DCC: variants seen among roughly 807,000 people sequenced by gnomAD.
DCC encodes the protein DCC netrin 1 receptor.
In DCC, 58 loss-of-function variants were observed where a neutral mutation model predicts 172.5. The ratio of observed to expected loss-of-function variants is 0.34; its 90% CI spans 0.27 to 0.42. The LOEUF (loss-of-function observed/expected upper bound fraction) is 0.42. Among genes scored for constraint, DCC ranks in the 10% least tolerant of loss-of-function variants. The pLI is 1.00. For synonymous variants in DCC, 709 were observed against 644.5 expected (o/e 1.10, Z -1.52); for missense variants, 1,740 against 1,791.0 (o/e 0.97, Z 0.51).
intron 1 of DCC, among the ~76,000 whole-genome samples, chr18:52,488,946 G>A (rs555778903): frequency 5.3e-4 from 80 of 152,010 alleles, no homozygotes; most frequent in East Asian, 2.1e-3. Flanking sequence ...ACCTTTCCCC[G>A]CCTCTTCCCC....
At chr18:53,369,098 T>G (rs184966096) in intron 15 of DCC, among the ~76,000 whole-genome samples, 2 of 152,136 alleles carry the variant, frequency 1.3e-5, no homozygotes, top group East Asian at 3.9e-4. Flanking sequence ...ATATTTAAAG[T>G]CTTTAATTTC....
At chr18:52,388,404 C>A (rs1205935552) in intron 1 of DCC, among the ~76,000 whole-genome samples, 1 of 152,052 alleles carries the variant, frequency 6.6e-6, no homozygotes, top group Non-Finnish European at 1.5e-5. Flanking sequence ...CAGGATCAGA[C>A]AAGAGAATTA....
At chr18:52,837,860 C>T (rs961456671) in intron 2 of DCC, among the ~76,000 whole-genome samples, 13 of 152,198 alleles carry the variant, frequency 8.5e-5, no homozygotes, top group South Asian at 2.1e-4. Context: ...AATTGACTCA[C>T]AGTTCTGCAG....
At chr18:52,921,780 T>C (rs904349997) in intron 3 of DCC, among the ~76,000 whole-genome samples, 1 of 151,424 alleles carries the variant, frequency 6.6e-6, no homozygotes, top group Admixed American at 6.6e-5. Context: ...AGTAGCATCG[T>C]TGATAGGTCC....
At chr18:52,626,336 C>T (rs2034573149) in intron 1 of DCC, among the ~76,000 whole-genome samples, 1 of 152,146 alleles carries the variant, frequency 6.6e-6, no homozygotes, top group South Asian at 2.1e-4. Flanking sequence ...TCCTCCCAGC[C>T]CTACTTCCAA....
intron 15 of DCC, among the ~76,000 whole-genome samples, chr18:53,350,342 C>T (rs1468437261): frequency 1.3e-5 from 2 of 152,166 alleles, no homozygotes; most frequent in Non-Finnish European, 2.9e-5. Context: ...TAGGGTTTTA[C>T]ATCTGTTACT....
At chr18:53,286,546 A>G (rs2056937888) in intron 12 of DCC, among the ~76,000 whole-genome samples, 2 of 152,206 alleles carry the variant, frequency 1.3e-5, no homozygotes, top group African/African-American at 4.8e-5. Flanking sequence ...CAGCAGCATG[A>G]AAACAGACTA....
chr18:52,527,804 T>G (rs879562478), intron 1 of DCC, among the ~76,000 whole-genome samples: 1 of 152,216 alleles, frequency 6.6e-6, no homozygotes, highest in Non-Finnish European at 1.5e-5. Flanking sequence ...ATGAAATTAC[T>G]ATACCTATTT....
chr18:52,665,400 CA>C (rs1220112171), intron 1 of DCC, among the ~76,000 whole-genome samples: 1 of 152,112 alleles, frequency 6.6e-6, no homozygotes, highest in African/African-American at 2.4e-5. Context: ...TCGGAGAACT[CA>C]AATGTAATTA....
At position 53,221,630 on chromosome 18, in the gene DCC, G is replaced by A. The variant is rs77587227; in HGVS notation, c.1911+6033G>A. Among the ~76,000 whole-genome samples, 847 of 152,170 alleles carry A rather than the reference G, an allele frequency of 5.6e-3. 6 individuals are homozygous for A. The highest frequency in any genetic ancestry group is 0.023 in the Admixed American group (352 of 15,258). Reference sequence around the variant, plus strand: ...ACCCAATTACAGAATCCCTGGCAACGACTATTTTACTTTTTGTATCCCAAC... The same window carrying A: ...ACCCAATTACAGAATCCCTGGCAACAACTATTTTACTTTTTGTATCCCAAC... On this transcript the variant is annotated intron_variant, in intron 12 of 28. Coordinates refer to ENST00000442544, the MANE Select transcript of DCC (RefSeq NM_005215.4).
At chr18:53,256,705 G>T (rs1185433096) in intron 12 of DCC, among the ~76,000 whole-genome samples, 5 of 152,056 alleles carry the variant, frequency 3.3e-5, no homozygotes, top group African/African-American at 9.7e-5. Flanking sequence ...ACTCTTTTTT[G>T]GTTCCATACT....
intron 1 of DCC, among the ~76,000 whole-genome samples, chr18:52,526,130 G>C (rs2031973210): frequency 6.6e-6 from 1 of 152,196 alleles, no homozygotes. Flanking sequence ...TGTGAGTTGA[G>C]CAAAGACAAA....
intron 1 of DCC, among the ~76,000 whole-genome samples, chr18:52,417,240 C>T (rs1473052764): frequency 6.6e-6 from 1 of 152,148 alleles, no homozygotes; most frequent in African/African-American, 2.4e-5. Context: ...GCCGAGAGAT[C>T]CGCTGTTAGT....
rs751202121 is a variant in DCC at position 52,472,388 on chromosome 18, A to G, written c.91+131510A>G. Among the ~76,000 whole-genome samples the G allele has an allele frequency of 6.6e-4, 101 of 152,232 alleles. 1 individual carries two copies. The highest frequency in any genetic ancestry group is 1.2e-3 in the Non-Finnish European group (82 of 68,032). On this transcript the variant is annotated intron_variant, in intron 1 of 28. Coordinates refer to ENST00000442544, the MANE Select transcript of DCC (RefSeq NM_005215.4). ...AGTCTTAGCTCCTTTACTGTCAGTG[A>G]TCTGCTTGGTTGACCAAAGCTAATC...
intron 2 of DCC, chr18:52,816,953 T>C (rs1182091070): frequency 2.0e-5 from 3 of 152,202 alleles, no homozygotes; most frequent in African/African-American, 7.2e-5. Context: ...AAGGTACAGT[T>C]TTCAAATCCC....
intron 5 of DCC, among the ~76,000 whole-genome samples, chr18:53,023,884 C>T (rs536842481): frequency 5.9e-5 from 9 of 152,142 alleles, no homozygotes; most frequent in African/African-American, 2.2e-4. Flanking sequence ...CTGCAGATGC[C>T]CCAAATTCCA....
At chr18:52,514,333 T>C (rs1404466265) in intron 1 of DCC, among the ~76,000 whole-genome samples, 1 of 152,174 alleles carries the variant, frequency 6.6e-6, no homozygotes, top group Admixed American at 6.5e-5. Flanking sequence ...TTTATTGATA[T>C]TTGAGGCCAG....
chr18:52,506,693 AGT>A (rs2031241337), intron 1 of DCC, among the ~76,000 whole-genome samples: 1 of 152,144 alleles, frequency 6.6e-6, no homozygotes, highest in South Asian at 2.1e-4. Context: ...CTCTGGAAAT[AGT>A]GTCTTTCTAC....
chr18:53,163,235 G>A (rs2054869560), intron 8 of DCC, among the ~76,000 whole-genome samples: 1 of 151,542 alleles, frequency 6.6e-6, no homozygotes, highest in Non-Finnish European at 1.5e-5. Flanking sequence ...TGGTAGAGGT[G>A]GCAGAGAGAT....
Sources: allele counts gnomAD v4.1 joint callset (sites outside exome capture counted in the v4.1 genomes callset), GRCh38; gene constraint gnomAD v4.1.1; transcripts MANE v1.5; gene names NCBI Gene and HGNC (gene_info 2026-07-23, HGNC 2026-07-21).